Variants in COBLL1 observed in about 807,000 individuals in gnomAD.
The protein encoded by COBLL1 is cordon-bleu protein-like 1.
In COBLL1, 50 loss-of-function variants were observed where a neutral mutation model predicts 94.8. That is an observed-to-expected ratio of 0.53 (90% CI 0.42 to 0.67). COBLL1 has a LOEUF of 0.67. Ranked by LOEUF, COBLL1 falls within the 30% of genes least tolerant of loss-of-function variation. The pLI is 0.00. For missense variants in COBLL1, 1,362 were observed against 1,348.7 expected (o/e 1.01, Z -0.15); for synonymous variants, 448 against 473.8 (o/e 0.95, Z 0.71).
rs1683639497 is a variant in COBLL1 at position 164,841,805 on chromosome 2, C to G, written c.-146G>C. On this transcript the variant is annotated 5_prime_UTR_variant, in exon 1 of 14. Coordinates refer to ENST00000652658, the MANE Select transcript of COBLL1 (RefSeq NM_001365672.2). The surrounding 1 kb of genome is among the most constrained non-coding windows in gnomAD (Gnocchi z 5.5). ...CGGCCCGCGCTCTTGCCGCTCGGCT[C>G]TCAAGCCAGGACTTGAATGGAGAAG... 1 of 602,338 alleles carries G rather than the reference C, an allele frequency of 1.7e-6. No individual in the cohort carries two copies. Among genetic ancestry groups the G allele is most frequent in the South Asian group, 2.1e-5 (1 of 46,896 alleles). The allele number at this position is 602,338 out of a possible 1,614,324, so 37.3% of individuals were successfully genotyped here.
At chr2:164,805,346 T>TAA (rs1684080020) in intron 2 of COBLL1, among the ~76,000 whole-genome samples, 2 of 108,040 alleles carry the variant, frequency 1.9e-5, no homozygotes, top group African/African-American at 3.7e-5. Context: ...TCTATATATA[T>TAA]ATATATATAT....
chr2:164,695,266 T>C lies in COBLL1; in HGVS notation c.2126A>G (p.Gln709Arg). Residue 709 changes from glutamine to arginine, a missense_variant, in exon 12 of 14, where the codon CAG becomes CGG. Transcript: ENST00000652658. ...SYLKNYPLYR[Q>R]DYNPKPKPSN... ...AGGTTTTGGCTTGGGATTGTAGTCC[T>C]GTCTATAAAGTGGGTAATTCTTTAG... is the stretch of plus-strand genomic sequence containing the variant. 1 of 1,613,970 alleles carries C rather than the reference T, an allele frequency of 6.2e-7. No homozygotes were observed. Among genetic ancestry groups the C allele is most frequent in the South Asian group, 1.1e-5 (1 of 91,078 alleles).
intron 2 of COBLL1, among the ~76,000 whole-genome samples, chr2:164,810,172 C>T (rs1031835505): frequency 2.6e-5 from 4 of 151,486 alleles, no homozygotes; most frequent in African/African-American, 7.3e-5. Flanking sequence ...TAAAAAGAAA[C>T]ATCTTTTGAT....
chr2:164,791,379 A>G (rs1683181765), intron 2 of COBLL1, among the ~76,000 whole-genome samples: 1 of 152,208 alleles, frequency 6.6e-6, no homozygotes, highest in Admixed American at 6.5e-5. Flanking sequence ...CATGGCCAGA[A>G]AGACAAAAGT....
chr2:164,731,860 C>A (rs73968239), intron 3 of COBLL1, among the ~76,000 whole-genome samples: 3 of 152,170 alleles, frequency 2.0e-5, no homozygotes, highest in South Asian at 2.1e-4. Context: ...CGGCACGTCA[C>A]CCCTAGTAAG....
chr2:164,686,145 T>G, intron 13 of COBLL1, 113 bp from the exon 14 acceptor site: 1 of 522,416 alleles, frequency 1.9e-6, no homozygotes, highest in Non-Finnish European at 3.4e-6. Flanking sequence ...AAATGATAAG[T>G]ATCTATTATT....
At chr2:164,765,613 G>A (rs890929685) in intron 2 of COBLL1, among the ~76,000 whole-genome samples, 18 of 152,018 alleles carry the variant, frequency 1.2e-4, no homozygotes, top group Admixed American at 1.0e-3. Context: ...TTGGCAAAGC[G>A]TTTGTGACAT....
chr2:164,829,824 C>A (rs1468174016), intron 2 of COBLL1, among the ~76,000 whole-genome samples: 1 of 152,084 alleles, frequency 6.6e-6, no homozygotes, highest in Non-Finnish European at 1.5e-5. Flanking sequence ...ATTTAATTAG[C>A]AGTGTCAAAT....
At chr2:164,700,252 A>G (rs111768858) in intron 10 of COBLL1, among the ~76,000 whole-genome samples, 2 of 152,148 alleles carry the variant, frequency 1.3e-5, no homozygotes, top group African/African-American at 4.8e-5. Context: ...CACCCACAAA[A>G]AGAAAAATTT....
At chr2:164,711,871 A>G (rs1684916294) in intron 7 of COBLL1, among the ~76,000 whole-genome samples, 1 of 152,194 alleles carries the variant, frequency 6.6e-6, no homozygotes, top group Admixed American at 6.5e-5. Context: ...GAGATGTTCA[A>G]TTATTTACTT....
chr2:164,747,229 A>C (rs1686908281), intron 2 of COBLL1, among the ~76,000 whole-genome samples: 1 of 152,148 alleles, frequency 6.6e-6, no homozygotes, highest in Non-Finnish European at 1.5e-5. Context: ...TATTTTTTAC[A>C]AGATGAATGA....
chr2:164,704,438 T>G lies in COBLL1; in HGVS notation c.1225+6A>C. 1 of 1,590,724 alleles carries G rather than the reference T, an allele frequency of 6.3e-7. No homozygotes were observed. Among genetic ancestry groups the G allele is most frequent in the African/African-American group, 1.3e-5 (1 of 74,534 alleles). On this transcript the variant is annotated splice_donor_region_variant and intron_variant, in intron 9 of 13. Transcript: ENST00000652658. ...AATTACACCATGTAGAATAAGGGTGTCATACCTGGGCTGGATAGCTCCTCA... is the reference window on the plus strand; with the variant it reads ...AATTACACCATGTAGAATAAGGGTGGCATACCTGGGCTGGATAGCTCCTCA...
intron 2 of COBLL1, among the ~76,000 whole-genome samples, chr2:164,794,100 C>T (rs1037179993): frequency 1.3e-5 from 2 of 152,144 alleles, no homozygotes; most frequent in African/African-American, 4.8e-5. Flanking sequence ...AGGAAGTTCA[C>T]AGCAGAGCTC....
chr2:164,823,222 C>A (rs1049604386), intron 2 of COBLL1, among the ~76,000 whole-genome samples: 1 of 152,124 alleles, frequency 6.6e-6, no homozygotes, highest in Non-Finnish European at 1.5e-5. Context: ...AGTATAATTT[C>A]CATATACTGT....
rs143342197 is a variant in COBLL1 at position 164,789,368 on chromosome 2, C to T, written c.42-45493G>A. Among the ~76,000 whole-genome samples, 4 of 152,082 alleles carry T rather than the reference C, an allele frequency of 2.6e-5. No individual in the cohort carries two copies. In the East Asian group the frequency reaches 7.7e-4, roughly 29 times the overall value. ...GTCATGTGTGTTTAGCCAGATGGTA[C>T]CCAAAGTAGTCAGAATTTTTGTCAT... On this transcript the variant is annotated intron_variant, in intron 2 of 13. Coordinates refer to ENST00000652658, the MANE Select transcript of COBLL1 (RefSeq NM_001365672.2).
intron 11 of COBLL1, among the ~76,000 whole-genome samples, chr2:164,699,054 A>G (rs772975622): frequency 2.0e-5 from 3 of 149,710 alleles, no homozygotes; most frequent in Non-Finnish European, 3.0e-5. Context: ...ACACAGAAGA[A>G]ACATTTTTAA....
At chr2:164,664,785 GAGA>G (rs1356221588) in intron 2 of COBLL1, among the ~76,000 whole-genome samples, 2 of 152,100 alleles carry the variant, frequency 1.3e-5, no homozygotes, top group Non-Finnish European at 2.9e-5. Flanking sequence ...TGAGAATAAC[GAGA>G]AGATGTTCTT....
intron 2 of COBLL1, among the ~76,000 whole-genome samples, chr2:164,826,080 A>T (rs759538706): frequency 6.6e-6 from 1 of 152,226 alleles, no homozygotes; most frequent in Non-Finnish European, 1.5e-5. Context: ...CAGTCACTGC[A>T]TATCAGTCTT....
At chr2:164,709,658 A>G (rs1377191578) in intron 7 of COBLL1, among the ~76,000 whole-genome samples, 1 of 152,184 alleles carries the variant, frequency 6.6e-6, no homozygotes, top group Non-Finnish European at 1.5e-5. Flanking sequence ...GTGGAGGTGC[A>G]GTAAGCCAAG....
Sources: allele counts gnomAD v4.1 joint callset (sites outside exome capture counted in the v4.1 genomes callset), GRCh38; gene constraint gnomAD v4.1.1; non-coding constraint Gnocchi (gnomAD v3.1); transcripts MANE v1.5; gene names NCBI Gene and HGNC (gene_info 2026-07-23, HGNC 2026-07-21).